Variants in OGT observed in about 807,000 individuals in gnomAD.
OGT encodes O-linked N-acetylglucosamine (GlcNAc) transferase.
OGT carries 3 observed loss-of-function variants against 75.8 expected under a neutral mutation model. That is an observed-to-expected ratio of 0.04 (90% confidence interval 0.02 to 0.10). OGT has a LOEUF of 0.10. Ranked by LOEUF, OGT falls within the 10% of genes least tolerant of loss-of-function variation. The pLI, the probability that OGT is intolerant of heterozygous loss-of-function variation, is 1.00. For missense variants in OGT, 260 were observed against 824.4 expected, an observed-to-expected ratio of 0.32 and a Z score of 8.38; for synonymous variants, 257 against 289.7, an observed-to-expected ratio of 0.89 and a Z score of 1.15.
chrX:71,536,370 TG>T lies in OGT; in HGVS notation c.218+16del. Reference sequence around the variant, plus strand: ...CGAAGGCTGGACAGGTAGGAGATGTTGGGGTACCTGCTCGTGATTGCTGCCT... The same window carrying T: ...CGAAGGCTGGACAGGTAGGAGATGTTGGGTACCTGCTCGTGATTGCTGCCT... On this transcript the variant is annotated intron_variant, in intron 2 of 21. Coordinates refer to ENST00000373719, the MANE Select transcript of OGT (RefSeq NM_181672.3). 1 of 1,121,858 alleles carries T rather than the reference TG, an allele frequency of 8.9e-7. No homozygotes were observed. The highest frequency in any genetic ancestry group is 2.7e-5 in the Admixed American group (1 of 36,391). The allele number at this position is 1,121,858 out of a possible 1,213,427, so 92.5% of individuals were successfully genotyped here.
Position 71,565,036 on chromosome X carries a change from G to A in OGT, c.2589+283G>A, listed in dbSNP as rs914438177. On this transcript the variant is annotated intron_variant, in intron 19 of 21. Transcript: ENST00000373719. ...TAGCCGGACATGGTGGTAGGCACCT[G>A]TAATCCCAGCTACTCGGGAGGCTGA... Among the ~76,000 whole-genome samples, 3 of 111,414 alleles carry A rather than the reference G, an allele frequency of 2.7e-5. No individual in the cohort carries two copies. The South Asian group carries it at 1.1e-3, about 42-fold the overall frequency.
At chrX:71,543,503 A>T (rs2040234578) in intron 3 of OGT, among the ~76,000 whole-genome samples, 1 of 110,756 alleles carries the variant, frequency 9.0e-6, no homozygotes, top group African/African-American at 3.3e-5. Flanking sequence ...ACTTAATACT[A>T]ATGAGTAATC....
rs774321086 is a variant in OGT at position 71,538,017 on chromosome X, C to T, written c.407C>T (p.Ala136Val). 5.0e-6 allele frequency: 6 copies of T among 1,209,855 alleles called. No homozygotes were observed. The highest frequency in any genetic ancestry group is 1.8e-5 in the South Asian group (1 of 56,847). Reference sequence around the variant, plus strand: ...AACCTGGCAGCCGCCTTGGTAGCAGCGGGTGACATGGAAGGGGCAGTACAA... The same window carrying T: ...AACCTGGCAGCCGCCTTGGTAGCAGTGGGTGACATGGAAGGGGCAGTACAA... ...YINLAAALVA[A>V]GDMEGAVQAY... The change falls in exon 3 of 22, where the codon GCG becomes GTG. Residue 136 changes from alanine (A) to valine (V), a missense_variant. By Grantham distance (64) the Ala-to-Val change is moderately conservative. Transcript: ENST00000373719.
At chrX:71,541,790 ATGTACGTGTC>A (rs1323027152) in intron 3 of OGT, among the ~76,000 whole-genome samples, 1 of 108,778 alleles carries the variant, frequency 9.2e-6, no homozygotes, top group East Asian at 2.9e-4. Context: ...CTTCATATGT[ATGTACGTGTC>A]TAGATGTTGT....
At position 71,555,945 on chromosome X, in the gene OGT, G is replaced by A. The variant is rs1419559768; in HGVS notation, c.925-9G>A. The stretch of plus-strand genomic sequence containing the variant: ...GTACAGTTTTTGAAGACTTTGTTTT[G>A]TTTTCTAGGTTGCTGAAGCAGAAGA... On this transcript the variant is annotated splice_polypyrimidine_tract_variant and intron_variant, in intron 7 of 21. Coordinates refer to ENST00000373719, the MANE Select transcript of OGT (RefSeq NM_181672.3). 3 of 1,209,498 alleles carry A rather than the reference G, an allele frequency of 2.5e-6. No individual in the cohort carries two copies. Among genetic ancestry groups the A allele is most frequent in the East Asian group, 5.9e-5 (2 of 33,788 alleles).
At chrX:71,549,574 C>CT (rs2040287635) in intron 5 of OGT, among the ~76,000 whole-genome samples, 1 of 110,095 alleles carries the variant, frequency 9.1e-6, no homozygotes, top group Non-Finnish European at 1.9e-5. Context: ...TTGCTTGAGC[C>CT]TAGTAGTTTG....
intron 3 of OGT, 94 bp from the exon 4 acceptor site, chrX:71,544,473 A>T: frequency 1.2e-6 from 1 of 804,262 alleles, no homozygotes; most frequent in Non-Finnish European, 1.8e-6. Context: ...TGATAGAATA[A>T]AATGGCAGGG....
intron 3 of OGT, among the ~76,000 whole-genome samples, chrX:71,542,696 A>G (rs774554303): frequency 8.0e-4 from 90 of 112,486 alleles, no homozygotes; most frequent in African/African-American, 2.8e-3. Context: ...CCAAACATGT[A>G]TAACCACAAT....
rs58876896 is a variant in OGT, at chrX:71,561,738, G to T, written c.1852-37G>T. On this transcript the variant is annotated intron_variant, in intron 14 of 21. Coordinates refer to ENST00000373719, the MANE Select transcript of OGT (RefSeq NM_181672.3). ...ATGTCATTAAAACTAATTGATCTGA[G>T]ATTATACATAGTGAGTTCTTATTTT... 2.8e-4 allele frequency: 308 copies of T among 1,119,840 alleles called. No individual in the cohort carries two copies. In the African/African-American group the frequency reaches 5.2e-3, roughly 19 times the overall value. 92.3% of individuals were successfully genotyped at this position (1,119,840 alleles called of 1,213,427 possible).
chrX:71,567,472 A>G, intron 19 of OGT, 28 bp from the exon 20 acceptor site: 1 of 1,105,674 alleles, frequency 9.0e-7, no homozygotes, highest in African/African-American at 1.8e-5. Flanking sequence ...TCTGCTATTA[A>G]TAATTATTCT....
chrX:71,557,495 T>A lies in OGT; in HGVS notation c.1425T>A (p.Ile475=), dbSNP rs1280212354. Residue 475 remains isoleucine, a splice_region_variant and synonymous_variant, in exon 12 of 22, where the codon ATT becomes ATA. Transcript: ENST00000373719. ...AYCNLAHCLQ[I]VCDWTDYDER... The stretch of plus-strand genomic sequence containing the variant: ...TAACTTGTTTTTGCTTTCTCTAGAT[T>A]GTCTGTGATTGGACAGACTATGATG... 2.5e-6 allele frequency: 3 copies of A among 1,200,601 alleles called. No homozygotes were observed. The highest frequency in any genetic ancestry group is 3.4e-6 in the Non-Finnish European group (3 of 891,560).
At chrX:71,569,219 T>C (rs1184596866) in intron 21 of OGT, among the ~76,000 whole-genome samples, 1 of 111,383 alleles carries the variant, frequency 9.0e-6, no homozygotes, top group Non-Finnish European at 1.9e-5. Context: ...TCCCAGCTAC[T>C]TGGGAGGCTG....
At position 71,567,688 on chromosome X, in the gene OGT, C is replaced by G. The variant is rs762597748; in HGVS notation, c.2778C>G (p.Leu926=). 3.3e-6 allele frequency: 4 copies of G among 1,209,036 alleles called. No homozygotes were observed. The highest frequency in any genetic ancestry group is 4.5e-6 in the Non-Finnish European group (4 of 893,272). ...CTGATGTCTGCTTGGACACTCCACT[C>G]TGTAATGGGCACACCACAGGGATGG... ...QLADVCLDTP[L]CNGHTTGMDV... The change falls in exon 20 of 22, where the codon CTC becomes CTG. Residue 926 remains leucine, a synonymous_variant. Coordinates refer to ENST00000373719, the MANE Select transcript of OGT (RefSeq NM_181672.3).
At chrX:71,548,532 C>T (rs1318450172) in intron 5 of OGT, among the ~76,000 whole-genome samples, 1 of 112,129 alleles carries the variant, frequency 8.9e-6, no homozygotes, top group Non-Finnish European at 1.9e-5. Flanking sequence ...AGATGCCCAT[C>T]AACGGTGGGC....
chrX:71,567,463 C>G lies in OGT; in HGVS notation c.2590-37C>G. ...GGAGTCTTTGTTGAAAAAGGCAGAT[C>G]TGCTATTAATAATTATTCTTATTTT... On this transcript the variant is annotated intron_variant, in intron 19 of 21. Transcript: ENST00000373719. 6 of 1,084,385 alleles carry G rather than the reference C, an allele frequency of 5.5e-6. No homozygotes were observed. In the Admixed American group the frequency reaches 1.1e-4, roughly 20 times the overall value. 89.4% of individuals were successfully genotyped at this position (1,084,385 alleles called of 1,213,427 possible). A position where few individuals can be genotyped will look rare whatever the true frequency, so the allele number is the denominator to read the frequency against.
intron 5 of OGT, among the ~76,000 whole-genome samples, chrX:71,550,895 G>A (rs757429340): frequency 1.8e-4 from 20 of 110,819 alleles, no homozygotes; most frequent in African/African-American, 5.9e-4. Flanking sequence ...GTGAGGCTTG[G>A]GGGGGTGGAG....
intron 19 of OGT, among the ~76,000 whole-genome samples, chrX:71,565,735 C>T (rs184732162): frequency 1.8e-5 from 2 of 112,589 alleles, no homozygotes; most frequent in East Asian, 5.5e-4. Context: ...GTCTACTCAG[C>T]TTTGCCGTTG....
chrX:71,548,431 G>T (rs969164513), intron 5 of OGT, among the ~76,000 whole-genome samples: 8 of 111,192 alleles, frequency 7.2e-5, no homozygotes, highest in African/African-American at 2.6e-4. Context: ...GTGAGACCCT[G>T]TCTCTAAGAT....
At chrX:71,554,867 C>G (rs1250512119) in intron 6 of OGT, among the ~76,000 whole-genome samples, 1 of 111,712 alleles carries the variant, frequency 9.0e-6, no homozygotes, top group Non-Finnish European at 1.9e-5. Flanking sequence ...CTTTCTTAGA[C>G]TAAATTATTC....
Sources: gnomAD v4.1 joint callset for allele counts (sites outside exome capture counted in the v4.1 genomes callset) on GRCh38, gnomAD v4.1.1 for gene constraint, MANE v1.5 for transcripts, NCBI Gene and HGNC (gene_info 2026-07-23, HGNC 2026-07-21) for gene names.